The following EFR3A variants were observed in gnomAD, a reference collection of about 807,000 sequenced individuals.
EFR3A encodes EFR3 homolog A, also known as protein EFR3 homolog A.
In EFR3A, 76 loss-of-function variants were observed where a neutral mutation model predicts 104.4. The observed-to-expected ratio is 0.73, with a 90% confidence interval of 0.60 to 0.88. The LOEUF is 0.88. Among genes scored for constraint, EFR3A ranks in the 40% least tolerant of loss-of-function variants. The probability of loss-of-function intolerance (pLI) is 0.00; values close to 1 mark genes in which losing one functional copy is unlikely to be tolerated. For synonymous variants in EFR3A, 330 were observed against 330.0 expected, an observed-to-expected ratio of 1.00 and a Z score of 0.00; for missense variants, 985 against 1,012.5, an observed-to-expected ratio of 0.97 and a Z score of 0.37.
intron 18 of EFR3A, among the ~76,000 whole-genome samples, chr8:131,990,600 A>G (rs747016095): frequency 2.6e-5 from 4 of 152,180 alleles, no homozygotes; most frequent in Non-Finnish European, 4.4e-5. Context: ...GGGAAGCATG[A>G]GTGATTTTAA....
chr8:131,991,683 G>C (rs1042880719), intron 18 of EFR3A, among the ~76,000 whole-genome samples: 1 of 152,124 alleles, frequency 6.6e-6, no homozygotes, highest in Non-Finnish European at 1.5e-5. Flanking sequence ...AGAGAAAGAG[G>C]ATGGAATGGC....
At chr8:131,925,091 T>C (rs1817235592) in intron 1 of EFR3A, among the ~76,000 whole-genome samples, 1 of 152,122 alleles carries the variant, frequency 6.6e-6, no homozygotes, top group Admixed American at 6.6e-5. Context: ...TTTCTTAGTC[T>C]TAGTTCCTTA....
chr8:131,942,265 C>T (rs980491715), intron 2 of EFR3A, among the ~76,000 whole-genome samples: 3 of 152,086 alleles, frequency 2.0e-5, no homozygotes, highest in African/African-American at 4.8e-5. Flanking sequence ...AAAAGATCTA[C>T]ATGAACCTTG....
intron 1 of EFR3A, chr8:131,935,610 G>A (rs1346736903): frequency 6.3e-6 from 2 of 317,396 alleles, no homozygotes; most frequent in African/African-American, 4.4e-5. Flanking sequence ...TACTATTATT[G>A]TATGCTTTTA....
At chr8:131,912,849 C>T (rs528219604) in intron 1 of EFR3A, among the ~76,000 whole-genome samples, 85 of 152,192 alleles carry the variant, frequency 5.6e-4, no homozygotes, top group African/African-American at 2.0e-3. Context: ...TAGTTTTGAC[C>T]ATACTGGCTT....
Position 131,944,823 on chromosome 8 carries a change from T to G in EFR3A, c.166T>G (p.Ser56Ala). Residue 56 changes from serine (S) to alanine (A), a missense_variant, in exon 3 of 23, where the codon TCT (serine) becomes GCT (alanine). Ser to Ala is a moderately conservative substitution (Grantham distance 99). Transcript: ENST00000254624. The stretch of plus-strand genomic sequence containing the variant: ...TCCAGAGAAACTGGATCGAATTGGT[T>G]CTTACCTGGCAGAAAGGTTGAGCAG... ...SAPEKLDRIG[S>A]YLAERLSRDV... 6.2e-7 allele frequency: 1 copy of G among 1,610,750 alleles called. No individual in the cohort carries two copies. The highest frequency in any genetic ancestry group is 8.5e-7 in the Non-Finnish European group (1 of 1,178,340).
rs187492607 is a variant in EFR3A, at chr8:131,962,305, C to T, written c.855+2642C>T. ...TCAAGACCCATCAGTGTGCTGTATT[C>T]AGGAAACCCATCTCACGTGCAGAGA... On this transcript the variant is annotated intron_variant, in intron 8 of 22. Coordinates refer to ENST00000254624, the MANE Select transcript of EFR3A (RefSeq NM_015137.6). 3.4e-3 allele frequency among the ~76,000 whole-genome samples: 514 copies of T among 152,232 alleles called. 2 individuals are homozygous for T. The highest frequency in any genetic ancestry group is 0.012 in the African/African-American group (501 of 41,518).
At chr8:131,988,337 G>C (rs79814542) in intron 18 of EFR3A, among the ~76,000 whole-genome samples, 3,109 of 152,074 alleles carry the variant, frequency 0.02, 46 homozygotes, top group South Asian at 0.042. Context: ...ATTAAATTTT[G>C]TAAGTGAATT....
At chr8:132,006,210 C>CT (rs1196734556) in intron 22 of EFR3A, among the ~76,000 whole-genome samples, 6 of 152,042 alleles carry the variant, frequency 3.9e-5, no homozygotes, top group African/African-American at 1.4e-4. Context: ...ATAAGCTAAA[C>CT]TAAGTATATC....
chr8:131,931,739 A>G (rs989690659), intron 1 of EFR3A, among the ~76,000 whole-genome samples: 3 of 150,762 alleles, frequency 2.0e-5, no homozygotes, highest in African/African-American at 7.5e-5. Context: ...ATTATATATG[A>G]AAAAAAACCA....
In EFR3A at chr8:132,001,748, C is replaced by T. The variant is rs371897144; in HGVS notation, c.2158-11C>T. On this transcript the variant is annotated splice_polypyrimidine_tract_variant and intron_variant, in intron 19 of 22. Coordinates refer to ENST00000254624, the MANE Select transcript of EFR3A (RefSeq NM_015137.6). ...TTTTAACTCTCGATTTCACTTATCA[C>T]TTTTCTCTAGGTTAGTAACACTGAA... is the stretch of plus-strand genomic sequence containing the variant. 84 of 1,611,872 alleles carry T rather than the reference C, an allele frequency of 5.2e-5. No homozygotes were observed. Among genetic ancestry groups the T allele is most frequent in the Middle Eastern group, 1.6e-4 (1 of 6,076 alleles).
At chr8:131,942,880 A>G (rs1818231474) in intron 2 of EFR3A, among the ~76,000 whole-genome samples, 1 of 152,078 alleles carries the variant, frequency 6.6e-6, no homozygotes, top group Non-Finnish European at 1.5e-5. Flanking sequence ...AAAATATATG[A>G]TTTGTAAACT....
At chr8:131,946,262 A>G (rs1818435221) in intron 3 of EFR3A, among the ~76,000 whole-genome samples, 1 of 152,072 alleles carries the variant, frequency 6.6e-6, no homozygotes, top group South Asian at 2.1e-4. Flanking sequence ...AAATGGGGGA[A>G]TACAGTGTAT....
chr8:131,947,775 A>C (rs1056693250), intron 4 of EFR3A, among the ~76,000 whole-genome samples: 6 of 152,124 alleles, frequency 3.9e-5, no homozygotes, highest in Non-Finnish European at 7.4e-5. Flanking sequence ...ATATTTAACT[A>C]TGCCATTACT....
At chr8:131,967,455 C>G (rs2130689493) in intron 8 of EFR3A, among the ~76,000 whole-genome samples, 1 of 151,510 alleles carries the variant, frequency 6.6e-6, no homozygotes, top group Middle Eastern at 3.4e-3. Flanking sequence ...AAGACAAATA[C>G]AGACAGGGAG....
At position 131,912,533 on chromosome 8, in the gene EFR3A, A is replaced by G. The variant is rs577951977; in HGVS notation, c.10+8211A>G. Among the ~76,000 whole-genome samples the G allele has an allele frequency of 2.4e-4, 37 of 152,272 alleles. No homozygotes were observed. The South Asian group carries it at 2.7e-3, about 11-fold the overall frequency. ...ATTGGTACAGCATTTTTAGAAAGCA[A>G]TATAGCAATATGTTATCAAATACGC... On this transcript the variant is annotated intron_variant, in intron 1 of 22. Coordinates refer to ENST00000254624, the MANE Select transcript of EFR3A (RefSeq NM_015137.6).
intron 1 of EFR3A, among the ~76,000 whole-genome samples, chr8:131,918,820 A>G (rs1816862194): frequency 6.6e-6 from 1 of 152,192 alleles, no homozygotes; most frequent in Non-Finnish European, 1.5e-5. Flanking sequence ...GAGGAAATAA[A>G]ATTTTTTAAA....
At position 132,001,630 on chromosome 8, in the gene EFR3A, T is replaced by C. The variant is rs965194411; in HGVS notation, c.2158-129T>C. ...TGGTACTGTGGAGTATAATCACAGCTCACAGCTCAGACCCAACACAAAGAA... is the reference window on the plus strand; with the variant it reads ...TGGTACTGTGGAGTATAATCACAGCCCACAGCTCAGACCCAACACAAAGAA... On this transcript the variant is annotated intron_variant, in intron 19 of 22. Transcript: ENST00000254624. 6.9e-6 allele frequency: 5 copies of C among 726,826 alleles called. No homozygotes were observed. In the South Asian group the frequency reaches 8.8e-5, roughly 13 times the overall value. 45.0% of individuals were successfully genotyped at this position (726,826 alleles called of 1,614,324 possible).
At chr8:131,944,656 C>T (rs1818333620) in intron 2 of EFR3A, 89 bp from the exon 3 acceptor site, 2 of 1,310,038 alleles carry the variant, frequency 1.5e-6, no homozygotes, top group Non-Finnish European at 2.1e-6. Context: ...ATCCCCAATC[C>T]AGAAAGGGAA....
Sources: allele counts gnomAD v4.1 joint callset (sites outside exome capture counted in the v4.1 genomes callset), GRCh38; gene constraint gnomAD v4.1.1; transcripts MANE v1.5; gene names NCBI Gene and HGNC (gene_info 2026-07-23, HGNC 2026-07-21).